SLC17A1: variants seen among roughly 807,000 people sequenced by gnomAD.
SLC17A1 encodes solute carrier family 17 member 1, also known as sodium-dependent phosphate transport protein 1.
A neutral mutation model predicts 53.5 loss-of-function variants in SLC17A1; 51 were observed. That is an observed-to-expected ratio of 0.95 (90% CI 0.76 to 1.20). SLC17A1 has a LOEUF of 1.20. SLC17A1 is among the 50% of genes most tolerant of loss of function. The pLI, the probability that SLC17A1 is intolerant of heterozygous loss-of-function variation, is 0.00. For synonymous variants in SLC17A1, 179 were observed against 198.8 expected, an observed-to-expected ratio of 0.90 and a Z score of 0.84; for missense variants, 538 against 568.2, an observed-to-expected ratio of 0.95 and a Z score of 0.54.
At chr6:25,740,529 A>T in the SLC17A1 span, among the ~76,000 whole-genome samples, 12 of 152,186 alleles carry the variant, frequency 7.9e-5, no homozygotes, top group Non-Finnish European at 1.8e-4. Flanking sequence ...ATTACAATAA[A>T]ATGTAAGTTG....
the SLC17A1 span, chr6:25,726,730 T>C: frequency 9.3e-7 from 1 of 1,075,162 alleles, no homozygotes; most frequent in Non-Finnish European, 1.3e-6. Context: ...GAACGCGGCG[T>C]TTGAGGGCCG....
chr6:25,733,792 GTGTGTGTGTGTGTA>G, the SLC17A1 span, among the ~76,000 whole-genome samples: 2 of 125,540 alleles, frequency 1.6e-5, no homozygotes, highest in Non-Finnish European at 1.7e-5. Context: ...CTGTGTGTGT[GTGTGTGTGTGTGTA>G]TGTGTGTGTG....
At chr6:25,804,598 TA>T (rs557040000) in intron 10 of SLC17A1, among the ~76,000 whole-genome samples, 9 of 151,822 alleles carry the variant, frequency 5.9e-5, no homozygotes, top group Middle Eastern at 3.4e-3. Context: ...GCAGAATTAA[TA>T]AAAAAAATCA....
the SLC17A1 span, among the ~76,000 whole-genome samples, chr6:25,769,893 A>T: frequency 6.6e-6 from 1 of 152,130 alleles, no homozygotes; most frequent in Non-Finnish European, 1.5e-5. Context: ...GAGCGGAAAG[A>T]GTATATTGGG....
chr6:25,748,581 A>T, the SLC17A1 span, among the ~76,000 whole-genome samples: 4 of 152,178 alleles, frequency 2.6e-5, no homozygotes, highest in Admixed American at 2.0e-4. Context: ...AGTATAGAGA[A>T]AGAACAGTGG....
At chr6:25,792,776 C>T (rs1025156456) in intron 12 of SLC17A1, among the ~76,000 whole-genome samples, 31 of 152,138 alleles carry the variant, frequency 2.0e-4, no homozygotes, top group African/African-American at 7.2e-4. Flanking sequence ...TCACAATCTC[C>T]CTGCCTTGTC....
intron 2 of SLC17A1, among the ~76,000 whole-genome samples, chr6:25,830,100 C>A (rs1764894221): frequency 6.6e-6 from 1 of 152,142 alleles, no homozygotes; most frequent in South Asian, 2.1e-4. Flanking sequence ...ATTGTCATTA[C>A]ACTACCCTGC....
At chr6:25,773,818 T>G in the SLC17A1 span, 1 of 724,596 alleles carries the variant, frequency 1.4e-6, no homozygotes, top group South Asian at 2.2e-5. Flanking sequence ...TGCAATCTAG[T>G]TAATTTGGAT....
At chr6:25,815,942 C>T (rs909989152) in intron 6 of SLC17A1, among the ~76,000 whole-genome samples, 53 of 148,148 alleles carry the variant, frequency 3.6e-4, no homozygotes, top group Admixed American at 8.1e-4. Context: ...CACTTCAGCT[C>T]CAAAGGTGAA....
the SLC17A1 span, chr6:25,726,381 T>C: frequency 2.5e-6 from 4 of 1,614,012 alleles, no homozygotes; most frequent in African/African-American, 1.3e-5. Flanking sequence ...CCAAATACAC[T>C]GGTGCGCCTG....
At position 25,811,467 on chromosome 6, in the gene SLC17A1, A is replaced by G; in HGVS notation, c.1109T>C (p.Ile370Thr). The change falls in exon 10 of 13, where the codon ATA becomes ACA. Residue 370 changes from isoleucine (I) to threonine (T), a missense_variant. Ile to Thr is a moderately conservative substitution (Grantham distance 89). Coordinates refer to ENST00000244527, the MANE Select transcript of SLC17A1 (RefSeq NM_005074.5). ...STFYSIVIFLILAGATGSFCL... is the reference protein window; with the variant it reads ...STFYSIVIFLTLAGATGSFCL... ...AAAGCTGCCTGTTGCACCAGCAAGT[A>G]TTAGGAAAATGACAATGCTGTAGAA... 6.2e-7 allele frequency: 1 copy of G among 1,614,044 alleles called. No homozygotes were observed. The highest frequency in any genetic ancestry group is 8.5e-7 in the Non-Finnish European group (1 of 1,179,926).
chr6:25,741,569 G>T, the SLC17A1 span, among the ~76,000 whole-genome samples: 3 of 152,022 alleles, frequency 2.0e-5, no homozygotes, highest in Non-Finnish European at 4.4e-5. Context: ...ACAAAAATTA[G>T]CTGGGCGTGG....
chr6:25,769,663 C>T, the SLC17A1 span, among the ~76,000 whole-genome samples: 1 of 152,052 alleles, frequency 6.6e-6, no homozygotes, highest in Non-Finnish European at 1.5e-5. Flanking sequence ...TAACCAGGGA[C>T]TAAGTTAGAA....
At chr6:25,780,441 G>C (rs1763239301), downstream of SLC17A1, 1 of 152,154 alleles carries the variant, frequency 6.6e-6, no homozygotes, top group South Asian at 2.1e-4. Context: ...GGGATCTGAA[G>C]GATAATAGTT....
At chr6:25,796,934 T>C (rs1421300617) in intron 12 of SLC17A1, among the ~76,000 whole-genome samples, 3 of 152,204 alleles carry the variant, frequency 2.0e-5, no homozygotes, top group Non-Finnish European at 2.9e-5. Context: ...CCATCACATA[T>C]ACAACACTGC....
chr6:25,757,378 G>C, the SLC17A1 span, among the ~76,000 whole-genome samples: 3 of 151,690 alleles, frequency 2.0e-5, no homozygotes, highest in African/African-American at 7.3e-5. Context: ...CATCTGCTTG[G>C]TGCTGTAACT....
the SLC17A1 span, among the ~76,000 whole-genome samples, chr6:25,766,120 T>C: frequency 1.3e-5 from 2 of 150,448 alleles, no homozygotes; most frequent in Non-Finnish European, 3.0e-5. Flanking sequence ...TAAAATTTAA[T>C]ATTTAAAATA....
At chr6:25,731,925 C>T in the SLC17A1 span, 19 of 1,601,428 alleles carry the variant, frequency 1.2e-5, no homozygotes, top group Admixed American at 1.2e-4. Flanking sequence ...ATGCGCCAGG[C>T]GGGAAGCCTC....
chr6:25,799,017 C>T (rs1763673087), intron 11 of SLC17A1, 98 bp from the exon 12 acceptor site: 8 of 1,148,414 alleles, frequency 7.0e-6, no homozygotes, highest in South Asian at 6.4e-5. Flanking sequence ...ACTCAAGTCA[C>T]GTAACAAATA....
Sources: gnomAD v4.1 joint callset for allele counts (sites outside exome capture counted in the v4.1 genomes callset) on GRCh38, gnomAD v4.1.1 for gene constraint, MANE v1.5 for transcripts, NCBI Gene and HGNC (gene_info 2026-07-23, HGNC 2026-07-21) for gene names.